GSE1: variants seen among roughly 807,000 people sequenced by gnomAD.
The protein encoded by GSE1 is genetic suppressor element 1.
In GSE1, 32 loss-of-function variants were observed where a neutral mutation model predicts 112.6. The ratio of observed to expected loss-of-function variants is 0.28; its 90% CI spans 0.21 to 0.38. The LOEUF is 0.38. Among genes scored for constraint, GSE1 ranks in the 10% least tolerant of loss-of-function variants. The pLI is 1.00. For synonymous variants in GSE1, 1,115 were observed against 735.6 expected (o/e 1.52, Z -8.35); for missense variants, 2,348 against 1,699.2 (o/e 1.38, Z -6.71).
intron 1 of GSE1, among the ~76,000 whole-genome samples, chr16:85,576,531 T>C (rs895795548): frequency 1.3e-5 from 2 of 152,166 alleles, no homozygotes; most frequent in African/African-American, 4.8e-5. Flanking sequence ...CTGGGCCGCA[T>C]GTCTTCCTCT....
chr16:85,625,237 A>G (rs2048992080), intron 1 of GSE1, among the ~76,000 whole-genome samples: 1 of 151,860 alleles, frequency 6.6e-6, no homozygotes, highest in South Asian at 2.1e-4. Context: ...GCTTCTCCGC[A>G]CACACAGCAG....
intron 2 of GSE1, among the ~76,000 whole-genome samples, chr16:85,479,887 T>C (rs955818849): frequency 6.6e-6 from 1 of 152,168 alleles, no homozygotes; most frequent in Non-Finnish European, 1.5e-5. Flanking sequence ...CAGTGGCTTA[T>C]AGTTCTGCAG....
At chr16:85,407,902 C>A (rs1288606315) in intron 2 of GSE1, among the ~76,000 whole-genome samples, 4 of 47,484 alleles carry the variant, frequency 8.4e-5, no homozygotes, top group Admixed American at 3.4e-4. Context: ...CTCAGGGCCC[C>A]CCTGGATAAT....
intron 2 of GSE1, among the ~76,000 whole-genome samples, chr16:85,513,624 G>A (rs919132412): frequency 6.6e-6 from 1 of 152,168 alleles, no homozygotes; most frequent in Admixed American, 6.5e-5. Context: ...GGGGGAATCT[G>A]CTGCCTCCAG....
At chr16:85,197,136 C>A (rs1202546175) in intron 1 of GSE1, among the ~76,000 whole-genome samples, 1 of 152,184 alleles carries the variant, frequency 6.6e-6, no homozygotes, top group African/African-American at 2.4e-5. Context: ...GACAACAAGA[C>A]CTGGCCCCTC....
At chr16:85,251,428 C>G (rs1278190359) in intron 1 of GSE1, among the ~76,000 whole-genome samples, 1 of 152,280 alleles carries the variant, frequency 6.6e-6, no homozygotes, top group African/African-American at 2.4e-5. Context: ...CGCCAGCTGG[C>G]TGAGCTGCAG....
chr16:85,652,448 G>A (rs1018690901), intron 3 of GSE1, among the ~76,000 whole-genome samples: 23 of 152,220 alleles, frequency 1.5e-4, no homozygotes, highest in African/African-American at 5.5e-4. Flanking sequence ...TGGAGAGGCA[G>A]GTCAGAAGTC....
At chr16:85,374,518 G>A (rs1449612991) in intron 2 of GSE1, among the ~76,000 whole-genome samples, 1 of 55,606 alleles carries the variant, frequency 1.8e-5, no homozygotes. Flanking sequence ...ATGTGTGTCA[G>A]TGTGTGCGTG....
At chr16:85,324,554 C>G (rs898175787) in intron 1 of GSE1, among the ~76,000 whole-genome samples, 3 of 151,830 alleles carry the variant, frequency 2.0e-5, no homozygotes, top group African/African-American at 4.8e-5. Flanking sequence ...AACATCGGTT[C>G]CACAAAAGCC....
At chr16:85,431,467 A>C (rs1234381529) in intron 2 of GSE1, among the ~76,000 whole-genome samples, 1 of 152,152 alleles carries the variant, frequency 6.6e-6, no homozygotes, top group African/African-American at 2.4e-5. Flanking sequence ...AAAACACACA[A>C]CGCCCCTACC....
chr16:85,478,096 G>C (rs1001703370), intron 2 of GSE1, among the ~76,000 whole-genome samples: 4 of 152,084 alleles, frequency 2.6e-5, no homozygotes, highest in African/African-American at 9.7e-5. Context: ...CCCTGTTCTG[G>C]TCATTTCAGA....
At chr16:85,465,920 C>G (rs965882317) in intron 2 of GSE1, among the ~76,000 whole-genome samples, 2 of 152,234 alleles carry the variant, frequency 1.3e-5, no homozygotes, top group African/African-American at 2.4e-5. Context: ...ATTCAGTGAG[C>G]ACTTTGTTCT....
chr16:85,483,092 A>T (rs76630001), intron 2 of GSE1, among the ~76,000 whole-genome samples: 13 of 152,178 alleles, frequency 8.5e-5, no homozygotes, highest in Non-Finnish European at 1.5e-4. Context: ...AAATTATTCA[A>T]AGTATTGTGT....
chr16:85,536,506 TC>T lies in GSE1; in HGVS notation c.2465-97407del, dbSNP rs369739432. Among the ~76,000 whole-genome samples, 50 of 152,290 alleles carry T rather than the reference TC, an allele frequency of 3.3e-4. 1 individual carries two copies. In the South Asian group the frequency reaches 9.7e-3, roughly 30 times the overall value. ...CTGTGTGGGCCGCGGGCAGGGCTCG[TC>T]TAGCACATGGGACATCGGTCACACC... On this transcript the variant is annotated intron_variant, in intron 2 of 2. Coordinates refer to the GSE1 transcript ENST00000637419.
intron 1 of GSE1, among the ~76,000 whole-genome samples, chr16:85,347,500 C>T (rs909522309): frequency 3.3e-5 from 5 of 152,204 alleles, no homozygotes; most frequent in African/African-American, 1.2e-4. Flanking sequence ...TGCCTCCGAG[C>T]CTGAGTGTGT....
intron 2 of GSE1, among the ~76,000 whole-genome samples, chr16:85,504,095 CTGCTGATCCCTACCA>C (rs1377121867): frequency 6.6e-6 from 1 of 152,240 alleles, no homozygotes; most frequent in African/African-American, 2.4e-5. Context: ...CCTGTGTTTA[CTGCTGATCCCTACCA>C]GCTGGTAGTG....
chr16:85,558,254 C>T (rs183382670), intron 1 of GSE1, among the ~76,000 whole-genome samples: 1 of 152,324 alleles, frequency 6.6e-6, no homozygotes, highest in African/African-American at 2.4e-5. Context: ...TTTTTCTCGT[C>T]TGTCTCCCCC....
chr16:85,197,025 C>T lies in GSE1; in HGVS notation c.2283+25218C>T, dbSNP rs181686171. Among the ~76,000 whole-genome samples, 265 of 152,272 alleles carry T rather than the reference C, an allele frequency of 1.7e-3. 1 individual carries two copies. Among genetic ancestry groups the T allele is most frequent in the Non-Finnish European group, 1.9e-3 (127 of 68,016 alleles). ...GCTTATTTGGTGATCTCAGGCCAGC[C>T]GCTTAACTTCTGCGTTTCCTGTGGG... On this transcript the variant is annotated intron_variant, in intron 1 of 2. Coordinates refer to the GSE1 transcript ENST00000637419.
chr16:85,477,996 A>T (rs1008029967), intron 2 of GSE1, among the ~76,000 whole-genome samples: 3 of 152,056 alleles, frequency 2.0e-5, no homozygotes, highest in East Asian at 3.9e-4. Flanking sequence ...TCCAGAAAGA[A>T]TCCCCCTCCC....
Sources: allele counts gnomAD v4.1 joint callset (sites outside exome capture counted in the v4.1 genomes callset), GRCh38; gene constraint gnomAD v4.1.1; transcripts MANE v1.5; gene names NCBI Gene and HGNC (gene_info 2026-07-23, HGNC 2026-07-21).